Variants in PTPN21 observed in about 807,000 individuals in gnomAD.
PTPN21 encodes the protein tyrosine-protein phosphatase non-receptor type 21.
In PTPN21, 77 loss-of-function variants were observed where a neutral mutation model predicts 131.8. The ratio of observed to expected loss-of-function variants is 0.58; its 90% CI spans 0.49 to 0.71. The LOEUF (loss-of-function observed/expected upper bound fraction) is 0.71, where lower values mean the gene tolerates loss of function less well. Ranked by LOEUF, PTPN21 falls within the 30% of genes least tolerant of loss-of-function variation. The pLI is 0.00. For missense variants in PTPN21, 1,552 were observed against 1,527.1 expected (o/e 1.02, Z -0.27); for synonymous variants, 715 against 621.3 (o/e 1.15, Z -2.24).
At chr14:88,488,612 G>A (rs903871738) in intron 10 of PTPN21, among the ~76,000 whole-genome samples, 1 of 152,124 alleles carries the variant, frequency 6.6e-6, no homozygotes, top group Admixed American at 6.6e-5. Flanking sequence ...AAATAACTGA[G>A]AAGAAATCAC....
rs781291905 is a variant in PTPN21 at position 88,468,107 on chromosome 14, A to G, written c.*30T>C. On this transcript the variant is annotated 3_prime_UTR_variant, in exon 19 of 19. Transcript: ENST00000556564. ...TTTTTTTAAGCTGTAAACGCTTCAC[A>G]TGACTGGCCCCGTAAGAAATTGTGG... 3.7e-6 allele frequency: 6 copies of G among 1,612,366 alleles called. No individual in the cohort carries two copies. Among genetic ancestry groups the G allele is most frequent in the Non-Finnish European group, 5.1e-6 (6 of 1,178,592 alleles).
At chr14:88,536,870 G>T (rs1394884042) in intron 2 of PTPN21, among the ~76,000 whole-genome samples, 1 of 152,154 alleles carries the variant, frequency 6.6e-6, no homozygotes, top group Non-Finnish European at 1.5e-5. Context: ...TCTATCCCGG[G>T]AAGAGATCAT....
intron 2 of PTPN21, among the ~76,000 whole-genome samples, chr14:88,549,836 C>G (rs779076676): frequency 2.6e-5 from 4 of 151,328 alleles, no homozygotes; most frequent in Non-Finnish European, 2.9e-5. Context: ...GATCTCGGCT[C>G]ACTGCAGCCT....
intron 8 of PTPN21, among the ~76,000 whole-genome samples, chr14:88,497,684 C>T (rs2077942740): frequency 6.6e-6 from 1 of 151,996 alleles, no homozygotes; most frequent in Admixed American, 6.6e-5. Context: ...GAGGCTGAGG[C>T]GGGAGAATGG....
chr14:88,498,684 G>A (rs1283383075), intron 8 of PTPN21, among the ~76,000 whole-genome samples: 1 of 152,168 alleles, frequency 6.6e-6, no homozygotes, highest in African/African-American at 2.4e-5. Context: ...AGGCACAAAA[G>A]TGGGGGAGGT....
At chr14:88,511,426 AC>A (rs1232635573) in intron 3 of PTPN21, among the ~76,000 whole-genome samples, 1 of 152,120 alleles carries the variant, frequency 6.6e-6, no homozygotes, top group Non-Finnish European at 1.5e-5. Context: ...TAATCCCAGC[AC>A]TTTGGGAGGC....
chr14:88,478,942 A>G lies in PTPN21; in HGVS notation c.2489T>C (p.Val830Ala), dbSNP rs763702637. ...SDLLSGKKNI[V>A]EGLPPLGGMK... ...TACCCCTAGAGGCGGGAGCCCTTCC[A>G]CGATGTTCTTCTTCCCAGAGAGAAG... is the stretch of plus-strand genomic sequence containing the variant. The change falls in exon 13 of 19, where the codon GTG becomes GCG. Residue 830 changes from valine (V) to alanine (A), a missense_variant. Val to Ala is a moderately conservative substitution (Grantham distance 64, BLOSUM62 0). Transcript: ENST00000556564. 1.3e-6 allele frequency: 2 copies of G among 1,511,886 alleles called. No individual in the cohort carries two copies. The highest frequency in any genetic ancestry group is 4.1e-5 in the Admixed American group (2 of 48,732). 93.7% of individuals were successfully genotyped at this position (1,511,886 alleles called of 1,614,324 possible). A position where few individuals can be genotyped will look rare whatever the true frequency, so the allele number is the denominator to read the frequency against.
chr14:88,518,207 A>G (rs1196802768), intron 2 of PTPN21, among the ~76,000 whole-genome samples: 1 of 102,470 alleles, frequency 9.8e-6, no homozygotes, highest in East Asian at 3.1e-4. Context: ...AGCCTGGGCA[A>G]CAGAGTGAGA....
At chr14:88,551,564 C>G (rs1167960615) in intron 1 of PTPN21, 2 of 152,254 alleles carry the variant, frequency 1.3e-5, no homozygotes, top group Non-Finnish European at 2.9e-5. Flanking sequence ...ACCGGTCCCT[C>G]GGCTCCCGAA....
chr14:88,512,881 AAAT>A (rs2078207112), intron 3 of PTPN21, among the ~76,000 whole-genome samples: 1 of 152,200 alleles, frequency 6.6e-6, no homozygotes, highest in Admixed American at 6.5e-5. Flanking sequence ...ACATCAGAAG[AAAT>A]GGTATTTGGT....
At chr14:88,495,120 C>G (rs1485021655) in intron 10 of PTPN21, among the ~76,000 whole-genome samples, 1 of 150,004 alleles carries the variant, frequency 6.7e-6, no homozygotes, top group Non-Finnish European at 1.5e-5. Context: ...CTACAGGCAG[C>G]GAAGGCACAG....
intron 3 of PTPN21, among the ~76,000 whole-genome samples, chr14:88,516,884 T>G (rs1398319685): frequency 6.6e-6 from 1 of 152,162 alleles, no homozygotes; most frequent in Non-Finnish European, 1.5e-5. Context: ...CTTTAATTAT[T>G]CCTTTGTGCC....
chr14:88,543,704 T>A (rs559150878), intron 2 of PTPN21, among the ~76,000 whole-genome samples: 1 of 152,250 alleles, frequency 6.6e-6, no homozygotes, highest in African/African-American at 2.4e-5. Flanking sequence ...ACACACAATT[T>A]AAAAAACATT....
chr14:88,480,173 T>G lies in PTPN21; in HGVS notation c.1258A>C (p.Ser420Arg). The G allele has an allele frequency of 1.2e-6, 2 of 1,614,032 alleles. No individual in the cohort carries two copies. Among genetic ancestry groups the G allele is most frequent in the Non-Finnish European group, 1.7e-6 (2 of 1,179,978 alleles). ...LQPSPMSSNPSITGSDVMRPD... is the reference protein window; with the variant it reads ...LQPSPMSSNPRITGSDVMRPD... Reference sequence around the variant, plus strand: ...CTCATGACGTCACTCCCGGTGATGCTAGGGTTGGACGACATCGGCGAGGGC... The same window carrying G: ...CTCATGACGTCACTCCCGGTGATGCGAGGGTTGGACGACATCGGCGAGGGC... The change falls in exon 13 of 19, where the codon AGC (serine) becomes CGC (arginine). Residue 420 changes from serine to arginine, a missense_variant. Coordinates refer to ENST00000556564, the MANE Select transcript of PTPN21 (RefSeq NM_007039.4).
At chr14:88,542,189 G>A (rs543241080) in intron 2 of PTPN21, among the ~76,000 whole-genome samples, 50 of 152,188 alleles carry the variant, frequency 3.3e-4, no homozygotes, top group African/African-American at 1.1e-3. Context: ...ATAATACAAC[G>A]CCTAACTCAT....
intron 4 of PTPN21, among the ~76,000 whole-genome samples, chr14:88,506,506 G>A (rs1028418327): frequency 2.6e-5 from 4 of 152,068 alleles, no homozygotes; most frequent in African/African-American, 9.7e-5. Flanking sequence ...TCGAACTCCT[G>A]GACTCAAGCA....
chr14:88,471,069 T>C (rs546567335), intron 15 of PTPN21, among the ~76,000 whole-genome samples: 33 of 152,306 alleles, frequency 2.2e-4, no homozygotes, highest in African/African-American at 7.9e-4. Context: ...TTCAAGGAAA[T>C]GCTCGGTTTT....
At chr14:88,472,070 C>T (rs1450358602) in intron 15 of PTPN21, among the ~76,000 whole-genome samples, 174 bp downstream of exon 15, 21 of 152,174 alleles carry the variant, frequency 1.4e-4, no homozygotes, top group Admixed American at 1.3e-3. Flanking sequence ...GATTTCCCAG[C>T]TTGCAGTACA....
chr14:88,544,491 C>G (rs1284701461), intron 2 of PTPN21, among the ~76,000 whole-genome samples: 2 of 152,106 alleles, frequency 1.3e-5, no homozygotes, highest in East Asian at 3.9e-4. Context: ...TCCCAAATAC[C>G]AGGTCCTTTG....
Sources: allele counts gnomAD v4.1 joint callset (sites outside exome capture counted in the v4.1 genomes callset), GRCh38; gene constraint gnomAD v4.1.1; transcripts MANE v1.5; gene names NCBI Gene and HGNC (gene_info 2026-07-23, HGNC 2026-07-21).